SLC52A3: variants seen among roughly 807,000 people sequenced by gnomAD.
SLC52A3 encodes the protein solute carrier family 52 member 3, also known as solute carrier family 52, riboflavin transporter, member 3.
Under a neutral mutation model 29.5 loss-of-function variants are expected in SLC52A3, and 20 were observed. That is an observed-to-expected ratio of 0.68 (90% CI 0.48 to 0.99). The LOEUF is 0.99. Ranked by LOEUF, SLC52A3 falls within the 50% of genes least tolerant of loss-of-function variation. The pLI is 0.00. For missense variants in SLC52A3, 548 were observed against 612.9 expected (o/e 0.89, Z 1.12); for synonymous variants, 301 against 271.0 (o/e 1.11, Z -1.09).
intron 1 of SLC52A3, among the ~76,000 whole-genome samples, chr20:767,230 A>T (rs1986714000): frequency 6.6e-6 from 1 of 152,268 alleles, no homozygotes; most frequent in African/African-American, 2.4e-5. Context: ...AAATGGAACC[A>T]GGAAAAAGTG....
At chr20:771,520 C>G (rs896871452), upstream of SLC52A3, among the ~76,000 whole-genome samples, 1 of 152,054 alleles carries the variant, frequency 6.6e-6, no homozygotes, top group African/African-American at 2.4e-5. Flanking sequence ...ATTATAGTAA[C>G]CAAAAACTAA....
chr20:769,804 G>A (rs75037334), upstream of SLC52A3, among the ~76,000 whole-genome samples: 2,777 of 152,142 alleles, frequency 0.018, 101 homozygotes, highest in African/African-American at 0.064. Context: ...GGCTGAGGCC[G>A]GAGAACGGCT....
At chr20:777,832 C>A (rs1276498965), upstream of SLC52A3, among the ~76,000 whole-genome samples, 1 of 152,046 alleles carries the variant, frequency 6.6e-6, no homozygotes, top group Non-Finnish European at 1.5e-5. Flanking sequence ...AATGTGCCAC[C>A]CCCAAATACA....
chr20:771,385 C>T (rs148426943), upstream of SLC52A3, among the ~76,000 whole-genome samples: 573 of 152,212 alleles, frequency 3.8e-3, 4 homozygotes, highest in African/African-American at 0.013. Context: ...CAAGAGCACG[C>T]CAGTGCACTC....
In SLC52A3 at chr20:765,085, C is replaced by G; in HGVS notation, c.567+123G>C. 4 of 1,096,800 alleles carry G rather than the reference C, an allele frequency of 3.6e-6. No individual in the cohort carries two copies. 67.9% of individuals were successfully genotyped at this position (1,096,800 alleles called of 1,614,324 possible). A position where few individuals can be genotyped will look rare whatever the true frequency, so the allele number is the denominator to read the frequency against. On this transcript the variant is annotated intron_variant, in intron 2 of 4. Transcript: ENST00000645534. This position sits in a 1 kb window ranked among gnomAD's most constrained non-coding sequence, Gnocchi z 6.6. ...AATGAGTTTCCTGCTGTTGATCTGC[C>G]TTATGTCAGTTTAACTCATAGGCCG... is the stretch of plus-strand genomic sequence containing the variant.
upstream of SLC52A3, chr20:776,050 G>C (rs1018328890): frequency 2.6e-5 from 4 of 152,424 alleles, no homozygotes; most frequent in African/African-American, 4.8e-5. Context: ...GGGAAAGGCA[G>C]GCGGAGGGTG....
intron 4 of SLC52A3, 194 bp downstream of exon 4, chr20:761,507 A>G: frequency 2.5e-6 from 2 of 814,050 alleles, no homozygotes; most frequent in Non-Finnish European, 3.9e-6. Context: ...ACATGGTGGG[A>G]AGAGGCCTAC....
chr20:778,879 C>T (rs560667830), upstream of SLC52A3, among the ~76,000 whole-genome samples: 32 of 152,126 alleles, frequency 2.1e-4, 1 homozygote, highest in African/African-American at 7.0e-4. Flanking sequence ...TGTGCCTGGC[C>T]ACAATTTCAT....
intron 3 of SLC52A3, among the ~76,000 whole-genome samples, chr20:763,263 T>C (rs1420204563): frequency 1.3e-5 from 2 of 152,168 alleles, no homozygotes; most frequent in East Asian, 3.8e-4. Context: ...CCAGCAGTCC[T>C]AGGAGGTGGA....
chr20:779,941 A>T (rs1002566343), upstream of SLC52A3, among the ~76,000 whole-genome samples: 1 of 152,186 alleles, frequency 6.6e-6, no homozygotes, highest in Non-Finnish European at 1.5e-5. Context: ...TTAAATACCT[A>T]TGAGTTTCCT....
chr20:764,079 G>A lies in SLC52A3; in HGVS notation c.568-76C>T, dbSNP rs746105614. ...AACAACAATCATGACAGTGATAACA[G>A]AATACAGATCACCTGTTATTATTAA... On this transcript the variant is annotated intron_variant, in intron 2 of 4. Transcript: ENST00000645534. 7.9e-5 allele frequency: 106 copies of A among 1,334,546 alleles called. 1 individual carries two copies. The Middle Eastern group carries it at 1.8e-3, about 23-fold the overall frequency. The allele number at this position is 1,334,546 out of a possible 1,614,324, so 82.7% of individuals were successfully genotyped here.
At chr20:771,384 G>A (rs1027006720), upstream of SLC52A3, among the ~76,000 whole-genome samples, 3 of 152,120 alleles carry the variant, frequency 2.0e-5, no homozygotes, top group Admixed American at 6.6e-5. Context: ...CCAAGAGCAC[G>A]CCAGTGCACT....
chr20:764,444 G>A (rs1255291765), intron 2 of SLC52A3, among the ~76,000 whole-genome samples: 1 of 152,154 alleles, frequency 6.6e-6, no homozygotes, highest in Non-Finnish European at 1.5e-5. Flanking sequence ...CACCTAAGAG[G>A]AGAGCCCCCA....
chr20:771,404 G>T (rs1230289631), upstream of SLC52A3, among the ~76,000 whole-genome samples: 3 of 150,060 alleles, frequency 2.0e-5, no homozygotes, highest in Admixed American at 1.3e-4. Flanking sequence ...TCTAGCCTCG[G>T]CGACAAAGCA....
chr20:760,699 C>A lies in SLC52A3; in HGVS notation c.*327G>T, dbSNP rs535974902. 3 of 380,654 alleles carry A rather than the reference C, an allele frequency of 7.9e-6. No homozygotes were observed. Among genetic ancestry groups the A allele is most frequent in the Non-Finnish European group, 1.4e-5 (3 of 208,474 alleles). The allele number at this position is 380,654 out of a possible 1,614,324, so 23.6% of individuals were successfully genotyped here. A position where few individuals can be genotyped will look rare whatever the true frequency, so the allele number is the denominator to read the frequency against. On this transcript the variant is annotated 3_prime_UTR_variant, in exon 5 of 5. Transcript: ENST00000645534. The surrounding 1 kb of genome is among the most constrained non-coding windows in gnomAD (Gnocchi z 4.9). ...AAATGACTTTCCCAAGGTCACACAGCCTGAAGGGACAGCCGGCTGTCCCAG... is the reference window on the plus strand; with the variant it reads ...AAATGACTTTCCCAAGGTCACACAGACTGAAGGGACAGCCGGCTGTCCCAG...
At chr20:775,047 T>C (rs907371078) in intron 1 of SLC52A3, among the ~76,000 whole-genome samples, 1 of 152,176 alleles carries the variant, frequency 6.6e-6, no homozygotes, top group Non-Finnish European at 1.5e-5. Context: ...AAGCGGACAG[T>C]GAGTTCTCTT....
upstream of SLC52A3, among the ~76,000 whole-genome samples, chr20:777,589 A>G (rs1232822602): frequency 6.6e-6 from 1 of 152,244 alleles, no homozygotes; most frequent in Non-Finnish European, 1.5e-5. Context: ...GTAAATGCTC[A>G]GTGCATATTG....
upstream of SLC52A3, among the ~76,000 whole-genome samples, chr20:778,605 T>C (rs1987131846): frequency 6.6e-6 from 1 of 152,142 alleles, no homozygotes; most frequent in South Asian, 2.1e-4. Flanking sequence ...CCCTTCTCTA[T>C]AGTACCAAAT....
chr20:775,370 G>T (rs1188000086), intron 1 of SLC52A3, among the ~76,000 whole-genome samples: 1 of 151,388 alleles, frequency 6.6e-6, no homozygotes, highest in Non-Finnish European at 1.5e-5. Context: ...AACCTTCCTG[G>T]CTCATGCGAT....
Sources: gnomAD v4.1 joint callset for allele counts (sites outside exome capture counted in the v4.1 genomes callset) on GRCh38, gnomAD v4.1.1 for gene constraint, Gnocchi (gnomAD v3.1) non-coding constraint, MANE v1.5 for transcripts, NCBI Gene and HGNC (gene_info 2026-07-23, HGNC 2026-07-21) for gene names.